Variants in COPS4 observed in about 807,000 individuals in gnomAD.
COPS4 encodes the protein COP9 signalosome complex subunit 4.
A neutral mutation model predicts 55.1 loss-of-function variants in COPS4; 8 were observed. The observed-to-expected ratio is 0.15, with a 90% CI of 0.09 to 0.26. COPS4 has a LOEUF of 0.26. COPS4 is among the 10% of genes least tolerant of loss of function. COPS4 has a pLI of 1.00. For synonymous variants in COPS4, 185 were observed against 165.7 expected (o/e 1.12, Z -0.90); for missense variants, 248 against 484.0 (o/e 0.51, Z 4.58).
intron 7 of COPS4, among the ~76,000 whole-genome samples, 154 bp from the exon 8 acceptor site, chr4:83,066,283 GA>G (rs1327553962): frequency 6.6e-6 from 1 of 152,162 alleles, no homozygotes; most frequent in Non-Finnish European, 1.5e-5. Flanking sequence ...GTACATTAAT[GA>G]AACTACATCA....
chr4:83,041,591 C>T (rs886402188), intron 1 of COPS4, among the ~76,000 whole-genome samples: 4 of 152,082 alleles, frequency 2.6e-5, no homozygotes, highest in African/African-American at 9.7e-5. Context: ...CTCAGCCTCC[C>T]GTGTAGCTGG....
intron 2 of COPS4, among the ~76,000 whole-genome samples, chr4:83,047,659 A>G (rs901880049): frequency 1.3e-5 from 2 of 152,188 alleles, no homozygotes; most frequent in Non-Finnish European, 2.9e-5. Flanking sequence ...ATTTACATCA[A>G]CTGAACAGTT....
chr4:83,042,989 A>G (rs1730606955), intron 1 of COPS4, among the ~76,000 whole-genome samples: 1 of 150,166 alleles, frequency 6.7e-6, no homozygotes, highest in Non-Finnish European at 1.5e-5. Context: ...GACTCAAGTG[A>G]TCTACTTTCT....
rs148824937 is a variant in COPS4 at position 83,035,328 on chromosome 4, A to G, written c.74+30A>G. 9.5e-5 allele frequency: 142 copies of G among 1,496,342 alleles called. No individual in the cohort carries two copies. In the African/African-American group the frequency reaches 1.8e-3, roughly 19 times the overall value. 92.7% of individuals were successfully genotyped at this position (1,496,342 alleles called of 1,614,324 possible). On this transcript the variant is annotated intron_variant, in intron 1 of 9. Coordinates refer to ENST00000264389, the MANE Select transcript of COPS4 (RefSeq NM_016129.3). ...GTATTTCCCAGGAACGCGGGAGTAC[A>G]GAGGTGGGGAAAGAAAGCCACAGCC...
At chr4:83,050,493 G>A (rs1730865140) in intron 4 of COPS4, among the ~76,000 whole-genome samples, 3 of 151,988 alleles carry the variant, frequency 2.0e-5, no homozygotes, top group Admixed American at 2.0e-4. Flanking sequence ...TTTTCACCAT[G>A]TTTACTAGGT....
At chr4:83,071,460 C>G (rs1375247307) in intron 9 of COPS4, among the ~76,000 whole-genome samples, 2 of 151,998 alleles carry the variant, frequency 1.3e-5, no homozygotes, top group African/African-American at 4.8e-5. Context: ...GCTGTGTTGC[C>G]CAGGCTGAGG....
chr4:83,069,374 C>T (rs116652392), intron 9 of COPS4, among the ~76,000 whole-genome samples: 158 of 152,302 alleles, frequency 1.0e-3, no homozygotes, highest in African/African-American at 3.7e-3. Context: ...TTCAATTCTT[C>T]CTTGACCTTA....
chr4:83,043,534 A>AAC (rs1560434963), intron 1 of COPS4, among the ~76,000 whole-genome samples: 8 of 148,512 alleles, frequency 5.4e-5, no homozygotes, highest in Non-Finnish European at 7.5e-5. Context: ...AAAAAAAAAA[A>AAC]AAAAAAAAAA....
At chr4:83,058,190 T>C (rs574273085) in intron 6 of COPS4, among the ~76,000 whole-genome samples, 2 of 152,254 alleles carry the variant, frequency 1.3e-5, no homozygotes, top group African/African-American at 2.4e-5. Flanking sequence ...AAATCACTTA[T>C]GAAGTAGAAT....
chr4:83,045,933 C>T (rs1011270598), intron 2 of COPS4, among the ~76,000 whole-genome samples: 4 of 152,060 alleles, frequency 2.6e-5, no homozygotes, highest in African/African-American at 9.7e-5. Context: ...TGATAAGGGA[C>T]AATATAGCAT....
intron 4 of COPS4, among the ~76,000 whole-genome samples, chr4:83,053,612 G>A (rs1247760031): frequency 1.3e-5 from 2 of 151,594 alleles, no homozygotes; most frequent in East Asian, 3.9e-4. Context: ...AGGCTGAGGT[G>A]GGCAGATCAC....
chr4:83,074,680 A>G (rs535683074), intron 9 of COPS4, among the ~76,000 whole-genome samples: 19 of 145,704 alleles, frequency 1.3e-4, no homozygotes, highest in Non-Finnish European at 2.4e-4. Context: ...TAATCTTTGT[A>G]TTTTTAGTAG....
At chr4:83,056,485 T>G (rs1182121606) in intron 4 of COPS4, among the ~76,000 whole-genome samples, 1 of 152,116 alleles carries the variant, frequency 6.6e-6, no homozygotes, top group Non-Finnish European at 1.5e-5. Flanking sequence ...ACTTTTTAGT[T>G]TTTGTGTAAT....
rs756354944 is a variant in COPS4, at chr4:83,035,195, C to T, written c.-30C>T. On this transcript the variant is annotated 5_prime_UTR_variant, in exon 1 of 10. Coordinates refer to ENST00000264389, the MANE Select transcript of COPS4 (RefSeq NM_016129.3). Reference sequence around the variant, plus strand: ...CGTTTTCTTTTTGGCTGCCAGAGGCCCCCGCATCCACCGCTGAGCTGGGAG... The same window carrying T: ...CGTTTTCTTTTTGGCTGCCAGAGGCTCCCGCATCCACCGCTGAGCTGGGAG... The T allele has an allele frequency of 3.3e-6, 5 of 1,534,068 alleles. No homozygotes were observed. The highest frequency in any genetic ancestry group is 2.7e-6 in the Non-Finnish European group (3 of 1,128,462).
At chr4:83,043,518 CAAA>C (rs34480105) in intron 1 of COPS4, among the ~76,000 whole-genome samples, 11 of 17,676 alleles carry the variant, frequency 6.2e-4, no homozygotes, top group African/African-American at 1.8e-3. Flanking sequence ...GACCCTGTCT[CAAA>C]AAAAAAAAAA....
Position 83,068,425 on chromosome 4 carries a change from T to C in COPS4, c.1003-13T>C, listed in dbSNP as rs1166721834. On this transcript the variant is annotated splice_polypyrimidine_tract_variant and intron_variant, in intron 8 of 9. Coordinates refer to ENST00000264389, the MANE Select transcript of COPS4 (RefSeq NM_016129.3). ...ATGATAAAGTTTCTGAGAGTTTTTT[T>C]TTCCCCCAATAGGCGGAAAAGATAG... 4 of 1,583,372 alleles carry C rather than the reference T, an allele frequency of 2.5e-6. No homozygotes were observed. Among genetic ancestry groups the C allele is most frequent in the South Asian group, 2.3e-5 (2 of 88,436 alleles).
intron 6 of COPS4, 84 bp from the exon 7 acceptor site, chr4:83,062,991 TG>T (rs1222085216): frequency 8.5e-7 from 1 of 1,172,882 alleles, no homozygotes; most frequent in Non-Finnish European, 1.2e-6. Flanking sequence ...TAGACAAAAA[TG>T]AGGTCATAAG....
At chr4:83,057,577 G>C (rs900360414) in intron 6 of COPS4, among the ~76,000 whole-genome samples, 169 bp downstream of exon 6, 1 of 152,106 alleles carries the variant, frequency 6.6e-6, no homozygotes, top group African/African-American at 2.4e-5. Context: ...AAAATGATTT[G>C]TTAAATAATT....
intron 6 of COPS4, among the ~76,000 whole-genome samples, chr4:83,062,045 T>A (rs1731174303): frequency 1.3e-5 from 2 of 152,200 alleles, no homozygotes; most frequent in Admixed American, 1.3e-4. Flanking sequence ...GTTTAGGCCC[T>A]TTTGGTATAA....
Sources: allele counts gnomAD v4.1 joint callset (sites outside exome capture counted in the v4.1 genomes callset), GRCh38; gene constraint gnomAD v4.1.1; transcripts MANE v1.5; gene names NCBI Gene and HGNC (gene_info 2026-07-23, HGNC 2026-07-21).